The following FXYD3 variants were observed in gnomAD, a reference collection of about 807,000 sequenced individuals.
FXYD3 encodes FXYD domain-containing ion transport regulator 3.
Under a neutral mutation model 19.2 loss-of-function variants are expected in FXYD3, and 13 were observed. That is an observed-to-expected ratio of 0.68 (90% CI 0.44 to 1.08). The LOEUF is 1.08. FXYD3 is among the 50% of genes least tolerant of loss of function. The pLI is 0.00. For synonymous variants in FXYD3, 48 were observed against 38.9 expected (o/e 1.23, Z -0.87); for missense variants, 101 against 109.4 (o/e 0.92, Z 0.34).
chr19:35,117,484 T>C, intron 2 of FXYD3: 1 of 1,043,850 alleles, frequency 9.6e-7, no homozygotes. Flanking sequence ...CCCCCTGCAT[T>C]AAGCTGCAGA....
At chr19:35,117,091 A>C in intron 2 of FXYD3, 1 of 985,388 alleles carries the variant, frequency 1.0e-6, no homozygotes, top group Non-Finnish European at 1.2e-6. Flanking sequence ...TAGACAGAGC[A>C]TCAGCTGCAG....
At chr19:35,118,704 G>T in intron 2 of FXYD3, 1 of 396,588 alleles carries the variant, frequency 2.5e-6, no homozygotes, top group South Asian at 6.8e-5. Context: ...GGGGAACAGA[G>T]ATGGAGCTAG....
intron 2 of FXYD3, chr19:35,117,328 C>T (rs1257216145): frequency 1.6e-5 from 24 of 1,507,854 alleles, no homozygotes; most frequent in Non-Finnish European, 2.0e-5. Context: ...TATAGTGGGG[C>T]CTTGCAGGCC....
rs1887439993 is a variant in FXYD3, at chr19:35,122,836, ATGAG to A, written c.172+4_172+7del. On this transcript the variant is annotated splice_donor_variant and coding_sequence_variant, in exon 6 of 9. Transcript: ENST00000604404. LOFTEE classifies it high-confidence loss of function. Reference sequence around the variant, plus strand: ...GTGCGCCATGGGCATCATCATCGTCATGAGTGAGTGGAGGAGCTCGGGGGAGCAG... The same window carrying A: ...GTGCGCCATGGGCATCATCATCGTCATGAGTGGAGGAGCTCGGGGGAGCAG... 6.2e-7 allele frequency: 1 copy of A among 1,613,860 alleles called. No homozygotes were observed. The highest frequency in any genetic ancestry group is 1.1e-5 in the South Asian group (1 of 91,084).
intron 3 of FXYD3, among the ~76,000 whole-genome samples, chr19:35,120,056 T>A (rs10414555): frequency 2.0e-5 from 3 of 151,752 alleles, no homozygotes; most frequent in African/African-American, 4.8e-5. Context: ...ATAACTGCCC[T>A]GCCAGTTCTC....
chr19:35,116,341 A>G lies in FXYD3; in HGVS notation c.-33A>G, dbSNP rs2064884589. Reference sequence around the variant, plus strand: ...CCGATTTCTCCCGGAACCTCTGCTCAGCCTGGTGAACCACACAGGTGAGCA... The same window carrying G: ...CCGATTTCTCCCGGAACCTCTGCTCGGCCTGGTGAACCACACAGGTGAGCA... On this transcript the variant is annotated 5_prime_UTR_variant, in exon 2 of 9. Coordinates refer to ENST00000604404, the MANE Select transcript of FXYD3 (RefSeq NM_005971.4). 2.0e-5 allele frequency: 20 copies of G among 985,406 alleles called. No homozygotes were observed. Among genetic ancestry groups the G allele is most frequent in the Non-Finnish European group, 2.3e-5 (19 of 829,996 alleles). 61.0% of individuals were successfully genotyped at this position (985,406 alleles called of 1,614,324 possible).
intron 1 of FXYD3, 29 bp from the exon 2 acceptor site, chr19:35,116,235 G>A: frequency 1.0e-6 from 1 of 985,418 alleles, no homozygotes; most frequent in Non-Finnish European, 1.2e-6. Flanking sequence ...TGGGCCTCAG[G>A]GCATCTGACT....
At chr19:35,119,619 T>A in intron 3 of FXYD3, 1 of 564,242 alleles carries the variant, frequency 1.8e-6, no homozygotes, top group South Asian at 2.4e-5. Flanking sequence ...AAAGTCACCG[T>A]CTTCCCCATT....
rs112557566 is a variant in FXYD3, at chr19:35,116,927, G to A, written c.-15+568G>A. The A allele has an allele frequency of 5.1e-4, 506 of 985,252 alleles. 2 individuals are homozygous for A. The African/African-American group carries it at 8.2e-3, about 16-fold the overall frequency. 61.0% of individuals were successfully genotyped at this position (985,252 alleles called of 1,614,324 possible). A position where few individuals can be genotyped will look rare whatever the true frequency, so the allele number is the denominator to read the frequency against. On this transcript the variant is annotated intron_variant, in intron 2 of 8. Transcript: ENST00000604404. ...ATGGGGAGTTGCTTGGGAGATTTCA[G>A]GAGCACACAGCGGGCAGGATCTTTC...
intron 7 of FXYD3, 61 bp downstream of exon 7, chr19:35,123,015 GCTAACT>G: frequency 6.6e-7 from 1 of 1,520,610 alleles, no homozygotes; most frequent in Non-Finnish European, 8.8e-7. Context: ...GGGTGAAAGG[GCTAACT>G]CTCCCAGCAG....
chr19:35,118,563 A>C, intron 2 of FXYD3: 1 of 991,370 alleles, frequency 1.0e-6, no homozygotes, highest in Non-Finnish European at 1.2e-6. Flanking sequence ...GGAAAGAGAA[A>C]GTGTTTGCTG....
At chr19:35,121,480 T>G in intron 5 of FXYD3, 7 of 1,443,462 alleles carry the variant, frequency 4.8e-6, no homozygotes, top group Non-Finnish European at 5.4e-6. Flanking sequence ...GAGGACAGTT[T>G]GCAAGAAGCC....
At chr19:35,121,553 T>A in intron 5 of FXYD3, 1 of 1,409,086 alleles carries the variant, frequency 7.1e-7, no homozygotes, top group Non-Finnish European at 9.2e-7. Flanking sequence ...CTGGAGGTGG[T>A]GAGCTATTGG....
At chr19:35,119,621 T>G in intron 3 of FXYD3, 1 of 564,124 alleles carries the variant, frequency 1.8e-6, no homozygotes, top group Non-Finnish European at 3.1e-6. Flanking sequence ...AGTCACCGTC[T>G]TCCCCATTCT....
rs2065099198 is a variant in FXYD3 at position 35,123,493 on chromosome 19, T to C, written c.*36T>C. On this transcript the variant is annotated 3_prime_UTR_variant, in exon 9 of 9. Transcript: ENST00000604404. ...CCAGCTGAAATTGGGTGGAGGACCG[T>C]TCTCTGTCCCCAGGTCCTGTCTCTG... The C allele has an allele frequency of 6.2e-7, 1 of 1,612,050 alleles. No homozygotes were observed. Among genetic ancestry groups the C allele is most frequent in the African/African-American group, 1.3e-5 (1 of 74,882 alleles).
intron 2 of FXYD3, chr19:35,118,526 G>A: frequency 2.0e-6 from 2 of 989,382 alleles, no homozygotes; most frequent in African/African-American, 3.5e-5. Flanking sequence ...AGAGAAACGA[G>A]TTCCTTATGC....
rs538167619 is a variant in FXYD3, at chr19:35,124,038, C to A, written c.*581C>A. ...TGTGACCCTCTCACTTACCCCGAGACCTCACTTTATTACAAGATCTTTCCA... is the reference window on the plus strand; with the variant it reads ...TGTGACCCTCTCACTTACCCCGAGAACTCACTTTATTACAAGATCTTTCCA... On this transcript the variant is annotated 3_prime_UTR_variant, in exon 9 of 9. Transcript: ENST00000604404. The A allele has an allele frequency of 4.0e-4, 62 of 155,072 alleles. No homozygotes were observed. The South Asian group carries it at 9.0e-3, about 22-fold the overall frequency. The allele number at this position is 155,072 out of a possible 1,614,324, so 9.6% of individuals were successfully genotyped here.
chr19:35,121,329 A>G, intron 5 of FXYD3, 84 bp downstream of exon 5: 1 of 1,614,124 alleles, frequency 6.2e-7, no homozygotes, highest in Non-Finnish European at 8.5e-7. Context: ...TTGGGGCCTG[A>G]CGTGAGCATC....
chr19:35,117,060 G>A (rs974315213), intron 2 of FXYD3: 3 of 985,242 alleles, frequency 3.0e-6, no homozygotes, highest in Non-Finnish European at 2.4e-6. Context: ...GGACCTCATG[G>A]CCAGGAAGGA....
Sources: gnomAD v4.1 joint callset for allele counts (sites outside exome capture counted in the v4.1 genomes callset) on GRCh38, gnomAD v4.1.1 for gene constraint, MANE v1.5 for transcripts, NCBI Gene and HGNC (gene_info 2026-07-23, HGNC 2026-07-21) for gene names.